The following FAT3 variants were observed in gnomAD, a reference collection of about 807,000 sequenced individuals.
FAT3 encodes protocadherin Fat 3.
Under a neutral mutation model 310.2 loss-of-function variants are expected in FAT3, and 95 were observed. That is an observed-to-expected ratio of 0.31 (90% CI 0.26 to 0.36). FAT3 has a LOEUF of 0.36. Ranked by LOEUF, FAT3 falls within the 10% of genes least tolerant of loss-of-function variation. FAT3 has a pLI of 1.00. For missense variants in FAT3, 5,408 were observed against 5,715.6 expected, an observed-to-expected ratio of 0.95 and a Z score of 1.74; for synonymous variants, 2,314 against 2,192.9, an observed-to-expected ratio of 1.06 and a Z score of -1.54.
intron 4 of FAT3, among the ~76,000 whole-genome samples, chr11:92,727,319 C>A (rs1316181363): frequency 1.3e-5 from 2 of 151,930 alleles, no homozygotes; most frequent in Non-Finnish European, 1.5e-5. Context: ...AGTTAGGAGA[C>A]TGAGTATACA....
At chr11:92,294,544 A>C (rs577071346) in intron 1 of FAT3, among the ~76,000 whole-genome samples, 21 of 152,022 alleles carry the variant, frequency 1.4e-4, no homozygotes, top group Non-Finnish European at 3.1e-4. Flanking sequence ...ATCCATTGGG[A>C]AGTGATTTGT....
chr11:92,647,812 C>T lies in FAT3; in HGVS notation c.3608-49572C>T, dbSNP rs994394216. On this transcript the variant is annotated intron_variant, in intron 3 of 27. Transcript: ENST00000525166. ...CGCAGGAAACAGTAGACATTTGCTTCATGTTTGGTTGGAGAAATAGATTGC... is the reference window on the plus strand; with the variant it reads ...CGCAGGAAACAGTAGACATTTGCTTTATGTTTGGTTGGAGAAATAGATTGC... Among the ~76,000 whole-genome samples, 3 of 152,192 alleles carry T rather than the reference C, an allele frequency of 2.0e-5. No individual in the cohort carries two copies. The East Asian group carries it at 5.8e-4, about 29-fold the overall frequency.
At chr11:92,667,798 A>G (rs898717258) in intron 3 of FAT3, among the ~76,000 whole-genome samples, 5 of 152,170 alleles carry the variant, frequency 3.3e-5, no homozygotes, top group Admixed American at 6.5e-5. Context: ...TCCTTTGTGG[A>G]GCTGGGGCTT....
chr11:92,883,264 T>TCA lies in FAT3; in HGVS notation c.12809_12810insAC (p.Pro4271ArgfsTer5). On this transcript the variant is annotated frameshift_variant, in exon 24 of 28. Transcript: ENST00000525166. LOFTEE classifies it high-confidence loss of function. This position sits in a 1 kb window ranked among gnomAD's most constrained non-coding sequence, Gnocchi z 4.2. Reference sequence around the variant, plus strand: ...GGAAATGACCACGTTTCACCCTGAGTCGCCCCGCATCCTGACAGCCCGGCG... The same window carrying TCA: ...GGAAATGACCACGTTTCACCCTGAGTCACGCCCCGCATCCTGACAGCCCGGCG... 1 of 1,612,554 alleles carries TCA rather than the reference T, an allele frequency of 6.2e-7. No homozygotes were observed. The highest frequency in any genetic ancestry group is 8.5e-7 in the Non-Finnish European group (1 of 1,179,744).
chr11:92,475,354 T>G (rs1316716900), intron 2 of FAT3, among the ~76,000 whole-genome samples: 1 of 152,158 alleles, frequency 6.6e-6, no homozygotes, highest in Non-Finnish European at 1.5e-5. Flanking sequence ...TTGTTTGGGC[T>G]GTCTATTTTT....
chr11:92,360,489 G>A (rs567684424), intron 2 of FAT3, among the ~76,000 whole-genome samples: 82 of 152,242 alleles, frequency 5.4e-4, no homozygotes, highest in African/African-American at 1.9e-3. Flanking sequence ...CTTATTCTTT[G>A]ACACAACAGG....
chr11:92,797,930 A>T lies in FAT3; in HGVS notation c.4917A>T (p.Leu1639=). ...PDMTTMGQFV[L]SIKVTDQGSP... ...TGACGACGATGGGTCAGTTTGTCCT[A>T]TCCATCAAAGTCACAGATCAGGGAT... The change falls in exon 10 of 28, where the codon CTA becomes CTT. Residue 1639 remains leucine, a synonymous_variant. Coordinates refer to ENST00000525166, the MANE Select transcript of FAT3 (RefSeq NM_001367949.2). The T allele has an allele frequency of 6.2e-7, 1 of 1,613,914 alleles. No homozygotes were observed. Among genetic ancestry groups the T allele is most frequent in the Admixed American group, 1.7e-5 (1 of 60,010 alleles).
chr11:92,761,731 A>G, intron 4 of FAT3, 125 bp from the exon 5 acceptor site: 1 of 864,306 alleles, frequency 1.2e-6, no homozygotes, highest in Non-Finnish European at 1.8e-6. Flanking sequence ...AAGAGAAGAA[A>G]ATGAATACTA....
At chr11:92,852,082 C>T (rs2136309898) in intron 19 of FAT3, among the ~76,000 whole-genome samples, 1 of 152,178 alleles carries the variant, frequency 6.6e-6, no homozygotes, top group South Asian at 2.1e-4. Context: ...GTTGCTATCC[C>T]CAGAAAAGTG....
At chr11:92,433,360 G>A (rs1950841858) in intron 2 of FAT3, among the ~76,000 whole-genome samples, 1 of 152,184 alleles carries the variant, frequency 6.6e-6, no homozygotes, top group East Asian at 1.9e-4. Flanking sequence ...GGCCCTAATG[G>A]TGTAGGCACC....
At chr11:92,301,516 A>G (rs914508392) in intron 1 of FAT3, among the ~76,000 whole-genome samples, 1 of 151,962 alleles carries the variant, frequency 6.6e-6, no homozygotes, top group African/African-American at 2.4e-5. Flanking sequence ...TCAACAAGTC[A>G]CCTTTACACT....
At chr11:92,272,385 A>G (rs908167544) in intron 1 of FAT3, among the ~76,000 whole-genome samples, 3 of 152,264 alleles carry the variant, frequency 2.0e-5, no homozygotes, top group African/African-American at 7.2e-5. Flanking sequence ...CTACTGTCTG[A>G]GTTCCTAGTA....
At chr11:92,616,228 G>A (rs1161020012) in intron 3 of FAT3, among the ~76,000 whole-genome samples, 4 of 152,152 alleles carry the variant, frequency 2.6e-5, no homozygotes, top group South Asian at 4.2e-4. Flanking sequence ...TTACCATTAT[G>A]TAATGGCCTT....
intron 2 of FAT3, among the ~76,000 whole-genome samples, chr11:92,426,192 G>A (rs376370257): frequency 5.9e-5 from 9 of 152,190 alleles, no homozygotes; most frequent in East Asian, 5.8e-4. Flanking sequence ...CTTTTGAGAA[G>A]TGTCTGTTAA....
At chr11:92,754,126 T>C (rs547815499) in intron 4 of FAT3, among the ~76,000 whole-genome samples, 8 of 152,004 alleles carry the variant, frequency 5.3e-5, no homozygotes, top group Middle Eastern at 3.4e-3. Flanking sequence ...CCCAATAACA[T>C]ATGGAAATAT....
At position 92,801,167 on chromosome 11, in the gene FAT3, A is replaced by G; in HGVS notation, c.8154A>G (p.Ala2718=). ...FTQSQYSFTI[A]EDTAIGSTVD... ...AGTCTCAGTATTCCTTTACCATTGCAGAAGATACAGCCATTGGGAGTACAG... is the reference window on the plus strand; with the variant it reads ...AGTCTCAGTATTCCTTTACCATTGCGGAAGATACAGCCATTGGGAGTACAG... Residue 2718 remains alanine, a synonymous_variant, in exon 10 of 28, where the codon GCA becomes GCG. Coordinates refer to ENST00000525166, the MANE Select transcript of FAT3 (RefSeq NM_001367949.2). 1 of 1,613,952 alleles carries G rather than the reference A, an allele frequency of 6.2e-7. No homozygotes were observed. Among genetic ancestry groups the G allele is most frequent in the Non-Finnish European group, 8.5e-7 (1 of 1,179,872 alleles).
At chr11:92,554,184 C>T (rs956970720) in intron 3 of FAT3, among the ~76,000 whole-genome samples, 12 of 151,526 alleles carry the variant, frequency 7.9e-5, no homozygotes, top group African/African-American at 2.7e-4. Context: ...TGGAGGAGGC[C>T]GGGCGCAGTG....
intron 2 of FAT3, among the ~76,000 whole-genome samples, chr11:92,410,019 G>GA (rs1006347077): frequency 4.6e-5 from 7 of 151,994 alleles, no homozygotes; most frequent in African/African-American, 1.4e-4. Context: ...CCTGGGAAAA[G>GA]AAAAAAATGC....
rs557228525 is a variant in FAT3, at chr11:92,291,206, A to C, written c.-17-60890A>C. 9.2e-5 allele frequency among the ~76,000 whole-genome samples: 14 copies of C among 152,180 alleles called. No individual in the cohort carries two copies. In the South Asian group the frequency reaches 1.7e-3, roughly 18 times the overall value. On this transcript the variant is annotated intron_variant, in intron 1 of 27. Transcript: ENST00000525166. The stretch of plus-strand genomic sequence containing the variant: ...AGAGCTTATGTAACTTGTCCAGTAC[A>C]AAGATGTGTAGGCGGCAGAGTCAAG...
Sources: allele counts gnomAD v4.1 joint callset (sites outside exome capture counted in the v4.1 genomes callset), GRCh38; gene constraint gnomAD v4.1.1; non-coding constraint Gnocchi (gnomAD v3.1); transcripts MANE v1.5; gene names NCBI Gene and HGNC (gene_info 2026-07-23, HGNC 2026-07-21).